The following GPC6 variants were observed in gnomAD, a reference collection of about 807,000 sequenced individuals.
GPC6 encodes the protein glypican-6.
GPC6 carries 14 observed loss-of-function variants against 55.2 expected under a neutral mutation model. That is an observed-to-expected ratio of 0.25 (90% CI 0.17 to 0.40). The LOEUF is 0.40. Among genes scored for constraint, GPC6 ranks in the 10% least tolerant of loss-of-function variants. The pLI, the probability that GPC6 is intolerant of heterozygous loss-of-function variation, is 1.00. For missense variants in GPC6, 641 were observed against 708.5 expected (o/e 0.90, Z 1.08); for synonymous variants, 278 against 259.6 (o/e 1.07, Z -0.68).
At chr13:94,099,563 C>A (rs923185947) in intron 4 of GPC6, among the ~76,000 whole-genome samples, 1 of 152,152 alleles carries the variant, frequency 6.6e-6, no homozygotes, top group Non-Finnish European at 1.5e-5. Flanking sequence ...TCATCTACTG[C>A]TGCGCCAATT....
rs1429915243 is a variant in GPC6 at position 94,031,096 on chromosome 13, G to GCA, written c.877+3202_877+3203insCA. 4.3e-3 allele frequency among the ~76,000 whole-genome samples: 647 copies of GCA among 149,538 alleles called. 8 individuals are homozygous for GCA. Among genetic ancestry groups the GCA allele is most frequent in the African/African-American group, 0.015 (618 of 40,978 alleles). On this transcript the variant is annotated intron_variant, in intron 4 of 8. Coordinates refer to ENST00000377047, the MANE Select transcript of GPC6 (RefSeq NM_005708.5). ...TGTGCGTGTGCGTGTGTGTGTGCGT[G>GCA]TGTGTGTGCGTGCATGTGTGTGTGT... is the stretch of plus-strand genomic sequence containing the variant.
intron 1 of GPC6, among the ~76,000 whole-genome samples, chr13:93,378,855 TGTG>T (rs1197173752): frequency 2.6e-5 from 4 of 151,422 alleles, no homozygotes; most frequent in African/African-American, 9.7e-5. Context: ...AATTACCAGG[TGTG>T]GTGGTGGGTG....
chr13:93,771,849 A>C (rs1055332511), intron 2 of GPC6, among the ~76,000 whole-genome samples: 8 of 152,316 alleles, frequency 5.3e-5, no homozygotes, highest in Non-Finnish European at 1.0e-4. Flanking sequence ...TTCTCCTATA[A>C]ATTTTAAGCC....
intron 1 of GPC6, among the ~76,000 whole-genome samples, chr13:93,439,927 G>A (rs988232606): frequency 1.3e-5 from 2 of 151,956 alleles, no homozygotes; most frequent in African/African-American, 2.4e-5. Context: ...TATGACAATG[G>A]CACAAAATAA....
chr13:94,164,444 A>C (rs1400092999), intron 4 of GPC6, among the ~76,000 whole-genome samples: 1 of 152,192 alleles, frequency 6.6e-6, no homozygotes, highest in African/African-American at 2.4e-5. Context: ...TGTTATTGTT[A>C]TTCTTGTATG....
intron 4 of GPC6, among the ~76,000 whole-genome samples, chr13:94,094,235 T>A (rs553068987): frequency 6.6e-6 from 1 of 152,172 alleles, no homozygotes; most frequent in Admixed American, 6.5e-5. Flanking sequence ...ATTGTACAGC[T>A]TTAACAGGCT....
At chr13:94,369,459 C>G (rs1879434362) in intron 6 of GPC6, among the ~76,000 whole-genome samples, 2 of 152,180 alleles carry the variant, frequency 1.3e-5, no homozygotes, top group South Asian at 4.1e-4. Flanking sequence ...ACATGGGATA[C>G]AAAAGCAATA....
chr13:93,433,772 A>G (rs943677804), intron 1 of GPC6, among the ~76,000 whole-genome samples: 2 of 152,162 alleles, frequency 1.3e-5, no homozygotes, highest in Admixed American at 1.3e-4. Flanking sequence ...TGGTGGAGGA[A>G]AACCGTAATC....
In GPC6 at chr13:94,320,267, G is replaced by A. The variant is rs138645492; in HGVS notation, c.1152+14144G>A. ...CTTGGTCCTGTGTTCAATAGTATCC[G>A]CCTCCTCATCACATTTCTAAATTCT... On this transcript the variant is annotated intron_variant, in intron 6 of 8. Coordinates refer to ENST00000377047, the MANE Select transcript of GPC6 (RefSeq NM_005708.5). 3.6e-3 allele frequency among the ~76,000 whole-genome samples: 549 copies of A among 152,088 alleles called. 3 individuals carry two copies. The highest frequency in any genetic ancestry group is 0.029 in the South Asian group (137 of 4,800).
At chr13:93,639,945 G>A (rs1927684) in intron 2 of GPC6, among the ~76,000 whole-genome samples, 126,273 of 152,010 alleles carry the variant, frequency 0.83, 53,382 homozygotes, top group Non-Finnish European at 0.91. Flanking sequence ...ATTCACATAC[G>A]TATTCATATT....
intron 6 of GPC6, among the ~76,000 whole-genome samples, chr13:94,310,590 C>T (rs1284644168): frequency 6.6e-6 from 1 of 152,132 alleles, no homozygotes; most frequent in Non-Finnish European, 1.5e-5. Context: ...CTTATTCTTC[C>T]TCTCATTCCC....
chr13:93,666,359 CA>C (rs1268232942), intron 2 of GPC6, among the ~76,000 whole-genome samples: 140 of 151,680 alleles, frequency 9.2e-4, no homozygotes, highest in African/African-American at 3.2e-3. Context: ...AAAAAAAGGT[CA>C]AATGAATTCC....
chr13:94,171,471 CTTA>C (rs1393052676), intron 4 of GPC6, among the ~76,000 whole-genome samples: 3 of 152,116 alleles, frequency 2.0e-5, no homozygotes, highest in African/African-American at 7.2e-5. Flanking sequence ...AGCGAAGCAG[CTTA>C]TTAAGTGCTT....
intron 4 of GPC6, among the ~76,000 whole-genome samples, chr13:94,057,959 GC>G (rs1432539654): frequency 6.6e-6 from 1 of 152,128 alleles, no homozygotes; most frequent in African/African-American, 2.4e-5. Flanking sequence ...TCTGAAACAT[GC>G]CCCCAGAGAT....
At chr13:94,351,979 A>AAAAAG (rs1878570131) in intron 6 of GPC6, among the ~76,000 whole-genome samples, 2 of 142,862 alleles carry the variant, frequency 1.4e-5, no homozygotes, top group African/African-American at 2.7e-5. Context: ...AAAAAAAAAA[A>AAAAAG]AAAGAAAAAG....
chr13:93,477,819 A>C (rs965296857), intron 1 of GPC6, among the ~76,000 whole-genome samples: 1 of 152,138 alleles, frequency 6.6e-6, no homozygotes, highest in African/African-American at 2.4e-5. Flanking sequence ...TTCCTTAACT[A>C]TTTGTTTCTT....
chr13:93,745,079 C>G (rs951019116), intron 2 of GPC6, among the ~76,000 whole-genome samples: 1 of 152,162 alleles, frequency 6.6e-6, no homozygotes, highest in Non-Finnish European at 1.5e-5. Flanking sequence ...TCCCCAGGCT[C>G]ACAGGTGAGT....
chr13:94,128,975 A>G (rs1886919665), intron 4 of GPC6, among the ~76,000 whole-genome samples: 1 of 152,124 alleles, frequency 6.6e-6, no homozygotes, highest in Non-Finnish European at 1.5e-5. Flanking sequence ...ATTCACCTTA[A>G]CTTCTTTGAA....
At chr13:94,087,274 A>T (rs1182859032) in intron 4 of GPC6, among the ~76,000 whole-genome samples, 1 of 152,240 alleles carries the variant, frequency 6.6e-6, no homozygotes, top group Non-Finnish European at 1.5e-5. Flanking sequence ...AAGCCATTAT[A>T]AGCATCAAAG....
Sources: gnomAD v4.1 joint callset for allele counts (sites outside exome capture counted in the v4.1 genomes callset) on GRCh38, gnomAD v4.1.1 for gene constraint, MANE v1.5 for transcripts, NCBI Gene and HGNC (gene_info 2026-07-23, HGNC 2026-07-21) for gene names.